Variants in AGBL4 observed in about 807,000 individuals in gnomAD.
AGBL4 encodes cytosolic carboxypeptidase 6.
In AGBL4, 58 loss-of-function variants were observed where a neutral mutation model predicts 66.4. The observed-to-expected ratio is 0.87, with a 90% CI of 0.71 to 1.09. AGBL4 has a LOEUF of 1.09. Ranked by LOEUF, AGBL4 falls within the 50% of genes least tolerant of loss-of-function variation. The pLI is 0.00. For synonymous variants in AGBL4, 234 were observed against 222.9 expected (o/e 1.05, Z -0.44); for missense variants, 579 against 631.0 (o/e 0.92, Z 0.88).
At chr1:48,821,489 G>T (rs1646311995) in intron 6 of AGBL4, among the ~76,000 whole-genome samples, 1 of 152,134 alleles carries the variant, frequency 6.6e-6, no homozygotes, top group Admixed American at 6.6e-5. Flanking sequence ...AAATAACTCA[G>T]AAACAGAAAG....
In AGBL4 at chr1:48,843,858, C is replaced by T. The variant is rs186196465; in HGVS notation, c.634+23333G>A. On this transcript the variant is annotated intron_variant, in intron 6 of 13. Coordinates refer to ENST00000371839, the MANE Select transcript of AGBL4 (RefSeq NM_032785.4). Reference sequence around the variant, plus strand: ...CATGCTGAGAACTTTTCTCTCTCAACAGAATGGGTAAACTCAATGGGTCAA... The same window carrying T: ...CATGCTGAGAACTTTTCTCTCTCAATAGAATGGGTAAACTCAATGGGTCAA... 1.4e-4 allele frequency among the ~76,000 whole-genome samples: 21 copies of T among 152,230 alleles called. No homozygotes were observed. The Middle Eastern group carries it at 0.014, about 99-fold the overall frequency.
chr1:49,832,012 A>C lies in AGBL4; in HGVS notation c.157+19384T>G, dbSNP rs541499441. ...TTTTTAATTTTATTTTATTATTATTATACTTTAACTTTTAGGGTACATGTG... is the reference window on the plus strand; with the variant it reads ...TTTTTAATTTTATTTTATTATTATTCTACTTTAACTTTTAGGGTACATGTG... On this transcript the variant is annotated intron_variant, in intron 2 of 13. Transcript: ENST00000371839. 1.1e-3 allele frequency among the ~76,000 whole-genome samples: 162 copies of C among 151,102 alleles called. 1 individual carries two copies. Among genetic ancestry groups the C allele is most frequent in the Non-Finnish European group, 1.8e-3 (123 of 67,804 alleles).
chr1:49,799,288 A>G (rs1019586498), intron 2 of AGBL4, among the ~76,000 whole-genome samples: 1 of 152,172 alleles, frequency 6.6e-6, no homozygotes, highest in Non-Finnish European at 1.5e-5. Flanking sequence ...GTTGTAAATC[A>G]AATTAAAAAA....
chr1:49,906,267 T>A (rs1294270405), intron 1 of AGBL4, among the ~76,000 whole-genome samples: 1 of 152,032 alleles, frequency 6.6e-6, no homozygotes, highest in African/African-American at 2.4e-5. Flanking sequence ...AAACATCTTA[T>A]GTGCATAAAC....
At chr1:49,024,613 G>A (rs1328508473) in intron 5 of AGBL4, among the ~76,000 whole-genome samples, 1 of 152,138 alleles carries the variant, frequency 6.6e-6, no homozygotes, top group Non-Finnish European at 1.5e-5. Flanking sequence ...GTTGCTGAAG[G>A]TTTGACTGAG....
the AGBL4 span, among the ~76,000 whole-genome samples, chr1:48,524,192 T>C: frequency 6.6e-6 from 1 of 152,058 alleles, no homozygotes; most frequent in African/African-American, 2.4e-5. Flanking sequence ...CCTGGAATCA[T>C]GGAATTTCAG....
At chr1:49,166,709 T>C (rs1646641806) in intron 4 of AGBL4, among the ~76,000 whole-genome samples, 1 of 152,134 alleles carries the variant, frequency 6.6e-6, no homozygotes, top group Non-Finnish European at 1.5e-5. Context: ...CATTTCCAAA[T>C]ATATCACCTT....
chr1:49,459,380 G>C (rs1031392442), intron 3 of AGBL4, among the ~76,000 whole-genome samples: 1 of 151,704 alleles, frequency 6.6e-6, no homozygotes, highest in Admixed American at 6.6e-5. Flanking sequence ...AGGTTTTCTA[G>C]TTTATGTGCA....
At chr1:48,583,732 C>T (rs1476777303) in intron 11 of AGBL4, 2 of 152,094 alleles carry the variant, frequency 1.3e-5, no homozygotes, top group African/African-American at 2.4e-5. Flanking sequence ...CATTTTCTCC[C>T]AGACCATATT....
At chr1:48,923,656 T>G (rs1399195119) in intron 5 of AGBL4, among the ~76,000 whole-genome samples, 1 of 152,208 alleles carries the variant, frequency 6.6e-6, no homozygotes, top group Non-Finnish European at 1.5e-5. Context: ...TTTCAATATT[T>G]GAATATTTTA....
At chr1:48,541,646 G>A (rs981428461) in intron 11 of AGBL4, among the ~76,000 whole-genome samples, 3 of 152,180 alleles carry the variant, frequency 2.0e-5, no homozygotes, top group African/African-American at 7.2e-5. Context: ...GCGCATGCCT[G>A]TAATCCCAGC....
chr1:49,500,686 T>C (rs75381741), intron 3 of AGBL4, among the ~76,000 whole-genome samples: 1,715 of 152,184 alleles, frequency 0.011, 28 homozygotes, highest in African/African-American at 0.039. Flanking sequence ...ATCAGTTGAC[T>C]ATAAGTATTT....
chr1:49,337,832 T>G (rs766807886), intron 3 of AGBL4, among the ~76,000 whole-genome samples: 2 of 152,208 alleles, frequency 1.3e-5, no homozygotes, highest in Non-Finnish European at 2.9e-5. Flanking sequence ...TTTGTGAGCT[T>G]CTATTTCTAT....
chr1:49,381,410 A>G (rs1644606008), intron 3 of AGBL4, among the ~76,000 whole-genome samples: 1 of 152,218 alleles, frequency 6.6e-6, no homozygotes, highest in South Asian at 2.1e-4. Flanking sequence ...ACTGTAAACT[A>G]GTTCAATCAT....
intron 3 of AGBL4, among the ~76,000 whole-genome samples, chr1:49,561,681 C>T (rs1644049190): frequency 6.6e-6 from 1 of 152,068 alleles, no homozygotes; most frequent in Non-Finnish European, 1.5e-5. Context: ...TGTATATGTG[C>T]CACATTTTCT....
intron 4 of AGBL4, among the ~76,000 whole-genome samples, chr1:49,137,587 A>G (rs1343209528): frequency 6.6e-6 from 1 of 152,106 alleles, no homozygotes; most frequent in South Asian, 2.1e-4. Flanking sequence ...TAAATCAAGA[A>G]CCCCAAACCT....
chr1:49,075,813 T>C (rs562773643), intron 4 of AGBL4, among the ~76,000 whole-genome samples: 46 of 152,324 alleles, frequency 3.0e-4, no homozygotes, highest in African/African-American at 1.1e-3. Context: ...ATCAAATTCC[T>C]AGAATACCAA....
intron 5 of AGBL4, among the ~76,000 whole-genome samples, chr1:48,964,992 T>A (rs967521870): frequency 6.6e-6 from 1 of 152,172 alleles, no homozygotes; most frequent in Non-Finnish European, 1.5e-5. Flanking sequence ...TTCCACTATA[T>A]CACACTACCT....
At chr1:49,589,759 T>C (rs889730392) in intron 3 of AGBL4, among the ~76,000 whole-genome samples, 4 of 152,078 alleles carry the variant, frequency 2.6e-5, no homozygotes, top group Non-Finnish European at 4.4e-5. Flanking sequence ...AGAGTGAAAT[T>C]CTGATAATTA....
Sources: gnomAD v4.1 joint callset for allele counts (sites outside exome capture counted in the v4.1 genomes callset) on GRCh38, gnomAD v4.1.1 for gene constraint, MANE v1.5 for transcripts, NCBI Gene and HGNC (gene_info 2026-07-23, HGNC 2026-07-21) for gene names.